Variants in APPBP2 observed in about 807,000 individuals in gnomAD.
The protein encoded by APPBP2 is amyloid protein-binding protein 2.
Under a neutral mutation model 76.0 loss-of-function variants are expected in APPBP2, and 15 were observed. The observed-to-expected ratio is 0.20, with a 90% CI of 0.13 to 0.30. The LOEUF is 0.30. Among genes scored for constraint, APPBP2 ranks in the 10% least tolerant of loss-of-function variants. The pLI, the probability that APPBP2 is intolerant of heterozygous loss-of-function variation, is 1.00. For synonymous variants in APPBP2, 222 were observed against 242.2 expected (o/e 0.92, Z 0.77); for missense variants, 401 against 687.2 (o/e 0.58, Z 4.66).
intron 1 of APPBP2, among the ~76,000 whole-genome samples, chr17:60,511,507 C>CTCGGAA: frequency 6.6e-6 from 1 of 151,210 alleles, no homozygotes; most frequent in East Asian, 1.9e-4. Flanking sequence ...AACACTTGAA[C>CTCGGAA]TCGGAAGGCA....
At chr17:60,479,390 G>T in intron 3 of APPBP2, 119 bp from the exon 4 acceptor site, 1 of 1,085,008 alleles carries the variant, frequency 9.2e-7, no homozygotes, top group South Asian at 1.7e-5. Context: ...AAAATCTTGT[G>T]TTTAGCATAC....
intron 1 of APPBP2, among the ~76,000 whole-genome samples, chr17:60,517,747 T>C (rs1000475185): frequency 5.3e-5 from 8 of 152,212 alleles, no homozygotes; most frequent in African/African-American, 1.9e-4. Context: ...TGTCAATCCA[T>C]GTGCCAATAC....
intron 1 of APPBP2, among the ~76,000 whole-genome samples, chr17:60,512,336 C>T (rs2090920940): frequency 6.6e-6 from 1 of 151,794 alleles, no homozygotes; most frequent in African/African-American, 2.4e-5. Context: ...CTCTCCTGAC[C>T]TCGTGATCCG....
At chr17:60,453,702 GCTA>G (rs1200062379) in intron 11 of APPBP2, among the ~76,000 whole-genome samples, 1 of 151,472 alleles carries the variant, frequency 6.6e-6, no homozygotes, top group African/African-American at 2.4e-5. Flanking sequence ...ACCATGTCTG[GCTA>G]ACTTTTTCTT....
At chr17:60,487,623 T>C (rs2090691108) in intron 3 of APPBP2, among the ~76,000 whole-genome samples, 1 of 152,342 alleles carries the variant, frequency 6.6e-6, no homozygotes, top group African/African-American at 2.4e-5. Flanking sequence ...TTTAGCTTCC[T>C]TGCGATGGGT....
chr17:60,479,386 TTG>T, intron 3 of APPBP2, 115 bp from the exon 4 acceptor site: 1 of 1,140,254 alleles, frequency 8.8e-7, no homozygotes, highest in East Asian at 2.7e-5. Flanking sequence ...TAGTAAAATC[TTG>T]TGTTTAGCAT....
intron 1 of APPBP2, among the ~76,000 whole-genome samples, chr17:60,522,133 T>C (rs2091014224): frequency 6.6e-6 from 1 of 152,188 alleles, no homozygotes; most frequent in Admixed American, 6.5e-5. Context: ...CTGTATTGTG[T>C]AGGGTTCTGA....
intron 2 of APPBP2, among the ~76,000 whole-genome samples, chr17:60,499,402 G>C (rs1330587036): frequency 6.7e-6 from 1 of 149,874 alleles, no homozygotes; most frequent in Admixed American, 6.7e-5. Context: ...GTTGGGTGCA[G>C]TGGCATAGCG....
intron 3 of APPBP2, among the ~76,000 whole-genome samples, chr17:60,492,331 C>T (rs1281910278): frequency 6.6e-6 from 1 of 152,218 alleles, no homozygotes; most frequent in Non-Finnish European, 1.5e-5. Context: ...TACACAGAGT[C>T]CCCACTGGGG....
intron 3 of APPBP2, among the ~76,000 whole-genome samples, chr17:60,491,369 AT>A (rs560728720): frequency 2.1e-4 from 32 of 152,280 alleles, no homozygotes; most frequent in African/African-American, 7.2e-4. Context: ...GCAACAAAGC[AT>A]TTAAGAGGTG....
Position 60,526,175 on chromosome 17 carries a change from A to C in APPBP2, c.-244T>G, listed in dbSNP as rs2091054031. On this transcript the variant is annotated 5_prime_UTR_variant, in exon 1 of 13. Transcript: ENST00000083182. ...GGCCAGCCAGGCCAAAAGCGTCACA[A>C]TCCCGGTTCGAGAGGAACCCGGGTT... 7 of 496,568 alleles carry C rather than the reference A, an allele frequency of 1.4e-5. No homozygotes were observed. The highest frequency in any genetic ancestry group is 2.2e-5 in the Non-Finnish European group (6 of 271,558). The allele number at this position is 496,568 out of a possible 1,614,324, so 30.8% of individuals were successfully genotyped here.
intron 1 of APPBP2, among the ~76,000 whole-genome samples, chr17:60,511,352 C>T (rs1252331328): frequency 6.6e-6 from 1 of 151,952 alleles, no homozygotes. Flanking sequence ...TCTGGGAAGC[C>T]GAGGTGGGTG....
At chr17:60,508,560 C>T (rs2090887569) in intron 1 of APPBP2, among the ~76,000 whole-genome samples, 2 of 152,088 alleles carry the variant, frequency 1.3e-5, no homozygotes, top group South Asian at 2.1e-4. Flanking sequence ...GTATCAAAGA[C>T]CAGAAAGGAG....
intron 11 of APPBP2, among the ~76,000 whole-genome samples, chr17:60,453,385 T>A (rs1273349941): frequency 6.6e-6 from 1 of 151,774 alleles, no homozygotes; most frequent in East Asian, 1.9e-4. Flanking sequence ...GTTTTCACCA[T>A]GTTGGCCAGG....
At chr17:60,453,543 T>A (rs1449381488) in intron 11 of APPBP2, among the ~76,000 whole-genome samples, 1 of 150,700 alleles carries the variant, frequency 6.6e-6, no homozygotes, top group Non-Finnish European at 1.5e-5. Context: ...CCTGTTTTTT[T>A]TTTTGTTTTT....
At position 60,463,445 on chromosome 17, in the gene APPBP2, G is replaced by A. The variant is rs560111794; in HGVS notation, c.762+576C>T. On this transcript the variant is annotated intron_variant, in intron 6 of 12. Transcript: ENST00000083182. ...CGCTTGAGTCCAGGTGTTTGAGACC[G>A]GCCAGGGCAACATAGTGAGACCCTG... Among the ~76,000 whole-genome samples, 62 of 152,120 alleles carry A rather than the reference G, an allele frequency of 4.1e-4. 1 individual carries two copies. Among genetic ancestry groups the A allele is most frequent in the East Asian group, 1.2e-3 (6 of 5,174 alleles).
Position 60,451,965 on chromosome 17 carries a change from T to C in APPBP2, c.1419A>G (p.Ser473=), listed in dbSNP as rs947596689. ...LGQEDYEVAL[S]VGHLASLYNY... ...TATATAAAGAAGCCAGATGTCCCAC[T>C]GAAAGGGCTACTTCATAATCTTCTT... is the stretch of plus-strand genomic sequence containing the variant. The change falls in exon 12 of 13, where the codon TCA becomes TCG. Residue 473 remains serine, a synonymous_variant. Coordinates refer to ENST00000083182, the MANE Select transcript of APPBP2 (RefSeq NM_006380.5). 1 of 1,613,836 alleles carries C rather than the reference T, an allele frequency of 6.2e-7. No individual in the cohort carries two copies. The highest frequency in any genetic ancestry group is 8.5e-7 in the Non-Finnish European group (1 of 1,179,812).
chr17:60,472,996 T>C (rs1341915654), intron 4 of APPBP2, among the ~76,000 whole-genome samples: 1 of 152,170 alleles, frequency 6.6e-6, no homozygotes, highest in Admixed American at 6.5e-5. Context: ...TTTTGGGGTG[T>C]TTCCTTTTTA....
chr17:60,522,612 G>A (rs990372694), intron 1 of APPBP2, among the ~76,000 whole-genome samples: 1 of 152,062 alleles, frequency 6.6e-6, no homozygotes, highest in Admixed American at 6.6e-5. Flanking sequence ...TGAGCCCTGC[G>A]CCTTTACATC....
Sources: allele counts gnomAD v4.1 joint callset (sites outside exome capture counted in the v4.1 genomes callset), GRCh38; gene constraint gnomAD v4.1.1; transcripts MANE v1.5; gene names NCBI Gene and HGNC (gene_info 2026-07-23, HGNC 2026-07-21).